Variants in DPYD observed in about 807,000 individuals in gnomAD.
The protein encoded by DPYD is dihydropyrimidine dehydrogenase, also known as dihydropyrimidine dehydrogenase [NADP(+)].
Under a neutral mutation model 116.2 loss-of-function variants are expected in DPYD, and 109 were observed. That is an observed-to-expected ratio of 0.94 (90% CI 0.80 to 1.10). The LOEUF (loss-of-function observed/expected upper bound fraction) is 1.10. Ranked by LOEUF, DPYD falls within the 50% of genes least tolerant of loss-of-function variation. The pLI, the probability that DPYD is intolerant of heterozygous loss-of-function variation, is 0.00. For synonymous variants in DPYD, 440 were observed against 432.0 expected (o/e 1.02, Z -0.23); for missense variants, 1,302 against 1,254.5 (o/e 1.04, Z -0.57).
chr1:97,351,350 A>T (rs1406325437), intron 16 of DPYD, among the ~76,000 whole-genome samples: 3 of 152,196 alleles, frequency 2.0e-5, no homozygotes, highest in Non-Finnish European at 4.4e-5. Flanking sequence ...ATTAGTAAAA[A>T]TAAAATGAGA....
At chr1:97,565,308 G>A (rs1455514146) in intron 11 of DPYD, among the ~76,000 whole-genome samples, 1 of 152,086 alleles carries the variant, frequency 6.6e-6, no homozygotes, top group Non-Finnish European at 1.5e-5. Context: ...TCCAAGCAGA[G>A]AGAAGGAAGC....
intron 1 of DPYD, among the ~76,000 whole-genome samples, chr1:97,911,767 A>C (rs771813257): frequency 2.0e-5 from 3 of 152,084 alleles, no homozygotes; most frequent in Non-Finnish European, 4.4e-5. Flanking sequence ...AGTTTCCATC[A>C]CATAATGAGA....
At position 97,154,706 on chromosome 1, in the gene DPYD, CAA is replaced by C. The variant is rs35900828; in HGVS notation, c.2622+38361_2622+38362del. 6.0e-3 allele frequency among the ~76,000 whole-genome samples: 734 copies of C among 122,870 alleles called. 17 individuals are homozygous for C. In the East Asian group the frequency reaches 0.094, roughly 16 times the overall value. 80.6% of individuals were successfully genotyped at this position (122,870 alleles called of 152,430 possible). On this transcript the variant is annotated intron_variant, in intron 20 of 22. Coordinates refer to ENST00000370192, the MANE Select transcript of DPYD (RefSeq NM_000110.4). ...TGGGCAACAAAGTGAGACTCCATCT[CAA>C]AAAAAAAAAAAAAAGATTGATATAA...
chr1:97,373,124 T>C (rs1671391468), intron 16 of DPYD, among the ~76,000 whole-genome samples: 1 of 152,176 alleles, frequency 6.6e-6, no homozygotes. Flanking sequence ...ACACAGTTAG[T>C]GAATAATGAT....
At chr1:97,129,438 T>C (rs10875047) in intron 20 of DPYD, among the ~76,000 whole-genome samples, 24,920 of 152,134 alleles carry the variant, frequency 0.16, 2,183 homozygotes, top group East Asian at 0.31. Context: ...TATTCCATCT[T>C]GGTCTTCCTT....
intron 8 of DPYD, among the ~76,000 whole-genome samples, chr1:97,642,235 A>C (rs1320054673): frequency 6.6e-6 from 1 of 151,944 alleles, no homozygotes; most frequent in Non-Finnish European, 1.5e-5. Flanking sequence ...TCATAGAAAA[A>C]AAAATTGTTA....
At chr1:97,823,273 G>C (rs1305253770) in intron 3 of DPYD, among the ~76,000 whole-genome samples, 2 of 152,042 alleles carry the variant, frequency 1.3e-5, no homozygotes, top group Non-Finnish European at 2.9e-5. Flanking sequence ...TCCTGCCTCA[G>C]CCTCCAAAAT....
At chr1:97,512,349 CATTT>C (rs1647861893) in intron 13 of DPYD, among the ~76,000 whole-genome samples, 1 of 151,832 alleles carries the variant, frequency 6.6e-6, no homozygotes, top group African/African-American at 2.4e-5. Context: ...AAAATCTATT[CATTT>C]GAGATATTTT....
chr1:97,422,191 T>G (rs1325971326), intron 14 of DPYD, among the ~76,000 whole-genome samples: 1 of 152,204 alleles, frequency 6.6e-6, no homozygotes, highest in Non-Finnish European at 1.5e-5. Flanking sequence ...TATTAAAATA[T>G]TAATATAGGT....
chr1:97,135,247 G>A lies in DPYD; in HGVS notation c.2623-36615C>T, dbSNP rs17116452. 8.7e-3 allele frequency among the ~76,000 whole-genome samples: 1,317 copies of A among 152,108 alleles called. 23 individuals are homozygous for A. Among genetic ancestry groups the A allele is most frequent in the African/African-American group, 0.03 (1,230 of 41,542 alleles). On this transcript the variant is annotated intron_variant, in intron 20 of 22. Transcript: ENST00000370192. ...ACTTTTGTATTTTTCACAAAACCCC[G>A]GCTATAGGCATTGTACAGTAAATTA... is the stretch of plus-strand genomic sequence containing the variant.
At chr1:97,771,139 G>C (rs1279296031) in intron 3 of DPYD, among the ~76,000 whole-genome samples, 1 of 151,848 alleles carries the variant, frequency 6.6e-6, no homozygotes, top group Non-Finnish European at 1.5e-5. Context: ...CCAACATGGT[G>C]AAACCCCGCC....
chr1:97,362,795 A>C (rs1422119778), intron 16 of DPYD, among the ~76,000 whole-genome samples: 2 of 152,190 alleles, frequency 1.3e-5, no homozygotes, highest in East Asian at 1.9e-4. Flanking sequence ...CTTACACAAA[A>C]ATTAATTCAA....
Position 97,421,863 on chromosome 1 carries a change from T to C in DPYD, c.1905+28196A>G, listed in dbSNP as rs188883647. 3.3e-5 allele frequency among the ~76,000 whole-genome samples: 5 copies of C among 152,196 alleles called. No homozygotes were observed. In the East Asian group the frequency reaches 9.7e-4, roughly 29 times the overall value. On this transcript the variant is annotated intron_variant, in intron 14 of 22. Coordinates refer to ENST00000370192, the MANE Select transcript of DPYD (RefSeq NM_000110.4). ...GGAAGAATGTTTCCAAAAACTGATA[T>C]GGGGGGATTTTCTGGCAGAGGTGAG...
chr1:97,085,317 T>C (rs1211715881), intron 21 of DPYD, among the ~76,000 whole-genome samples: 1 of 152,236 alleles, frequency 6.6e-6, no homozygotes, highest in African/African-American at 2.4e-5. Context: ...ACGTTGTATA[T>C]GCCTTAGAAA....
intron 20 of DPYD, among the ~76,000 whole-genome samples, chr1:97,113,613 G>A (rs180792836): frequency 3.9e-5 from 6 of 152,160 alleles, no homozygotes; most frequent in African/African-American, 1.4e-4. Flanking sequence ...TCTTTGTCTA[G>A]GGGAGTTTTG....
intron 12 of DPYD, among the ~76,000 whole-genome samples, chr1:97,548,178 T>C (rs1025331479): frequency 2.6e-5 from 4 of 152,110 alleles, no homozygotes; most frequent in Non-Finnish European, 4.4e-5. Flanking sequence ...CTTCCTTGAA[T>C]AGGAAAGAAA....
At chr1:97,608,800 GCAAA>G (rs1655758634) in intron 8 of DPYD, among the ~76,000 whole-genome samples, 5 of 151,630 alleles carry the variant, frequency 3.3e-5, no homozygotes, top group Admixed American at 3.3e-4. Flanking sequence ...TGTGCAATTG[GCAAA>G]CAGTCATGTT....
At chr1:97,843,476 A>G (rs1484708631) in intron 2 of DPYD, among the ~76,000 whole-genome samples, 1 of 152,152 alleles carries the variant, frequency 6.6e-6, no homozygotes, top group East Asian at 1.9e-4. Context: ...GCCATCATCT[A>G]TGGAGCCTTC....
chr1:97,242,149 T>C (rs1296712817), intron 18 of DPYD, among the ~76,000 whole-genome samples: 1 of 132,740 alleles, frequency 7.5e-6, no homozygotes, highest in Non-Finnish European at 1.6e-5. Context: ...TATATATATA[T>C]ATATATATAT....
Sources: gnomAD v4.1 joint callset for allele counts (sites outside exome capture counted in the v4.1 genomes callset) on GRCh38, gnomAD v4.1.1 for gene constraint, MANE v1.5 for transcripts, NCBI Gene and HGNC (gene_info 2026-07-23, HGNC 2026-07-21) for gene names.